Variants in FAM76A observed in about 807,000 individuals in gnomAD.
FAM76A encodes family with sequence similarity 76 member A.
Under a neutral mutation model 46.2 loss-of-function variants are expected in FAM76A, and 32 were observed. The ratio of observed to expected loss-of-function variants is 0.69; its 90% CI spans 0.52 to 0.93. The LOEUF is 0.93. FAM76A is among the 40% of genes least tolerant of loss of function. FAM76A has a pLI of 0.00. For synonymous variants in FAM76A, 137 were observed against 127.0 expected (o/e 1.08, Z -0.53); for missense variants, 274 against 361.5 (o/e 0.76, Z 1.96).
At chr1:27,730,181 CT>C (rs5773200) in intron 2 of FAM76A, 1,687 of 198,580 alleles carry the variant, frequency 8.5e-3, no homozygotes, top group South Asian at 0.023. Flanking sequence ...TTTTTCTTTT[CT>C]TTTTTTTTTG....
At chr1:27,740,026 C>T (rs763789655) in intron 4 of FAM76A, 9 of 365,482 alleles carry the variant, frequency 2.5e-5, no homozygotes, top group African/African-American at 6.4e-5. Flanking sequence ...CAAGTGCCTC[C>T]GTATTCTAGA....
intron 4 of FAM76A, among the ~76,000 whole-genome samples, chr1:27,738,562 G>C (rs911391594): frequency 6.6e-6 from 1 of 151,992 alleles, no homozygotes; most frequent in Non-Finnish European, 1.5e-5. Context: ...CCAGATTGAA[G>C]TTTGGTTTCA....
intron 4 of FAM76A, among the ~76,000 whole-genome samples, chr1:27,741,442 G>A (rs766825812): frequency 6.6e-6 from 1 of 152,158 alleles, no homozygotes; most frequent in South Asian, 2.1e-4. Flanking sequence ...TTACAGGTGT[G>A]AGCCACTGCG....
At position 27,726,236 on chromosome 1, in the gene FAM76A, C is replaced by T. The variant is rs960365441; in HGVS notation, c.81+75C>T. On this transcript the variant is annotated intron_variant, in intron 1 of 8. Transcript: ENST00000373954. ...CCCGGAGCTCCAGATTCTGTGGGGA[C>T]GCCCGGCGGGGTCCCCGGAGCAGGG... 167 of 1,194,218 alleles carry T rather than the reference C, an allele frequency of 1.4e-4. 1 individual carries two copies. Among genetic ancestry groups the T allele is most frequent in the Middle Eastern group, 1.3e-3 (4 of 3,134 alleles). The allele number at this position is 1,194,218 out of a possible 1,614,324, so 74.0% of individuals were successfully genotyped here.
In FAM76A at chr1:27,734,144, G is replaced by A; in HGVS notation, c.315G>A (p.Lys105=). 1 of 1,598,802 alleles carries A rather than the reference G, an allele frequency of 6.3e-7. No homozygotes were observed. Among genetic ancestry groups the A allele is most frequent in the South Asian group, 1.1e-5 (1 of 87,824 alleles). ...CACCCTATTCTTGTGAACAGTGCAA[G>A]CAGCAGTGTGCATTTGACAGGAAAG... ...YGPPYSCEQC[K]QQCAFDRKDD... is the part of the protein sequence containing the mutation. Residue 105 remains lysine, a synonymous_variant, in exon 4 of 9, where the codon AAG becomes AAA. Coordinates refer to ENST00000373954, the MANE Select transcript of FAM76A (RefSeq NM_152660.3).
intron 4 of FAM76A, among the ~76,000 whole-genome samples, chr1:27,743,774 A>AG (rs947347641): frequency 1.3e-5 from 2 of 152,018 alleles, no homozygotes; most frequent in Non-Finnish European, 2.9e-5. Context: ...GGGGAAAAAA[A>AG]AAAAAACGAA....
intron 7 of FAM76A, among the ~76,000 whole-genome samples, chr1:27,757,555 A>T (rs1252652790): frequency 6.6e-6 from 1 of 152,082 alleles, no homozygotes; most frequent in Non-Finnish European, 1.5e-5. Flanking sequence ...TTTCATAGAG[A>T]TGGGGGTCTC....
chr1:27,758,660 C>T (rs1026242626), intron 7 of FAM76A, among the ~76,000 whole-genome samples: 1 of 151,644 alleles, frequency 6.6e-6, no homozygotes, highest in Non-Finnish European at 1.5e-5. Flanking sequence ...CACCACCACA[C>T]CCAGCTATTT....
intron 7 of FAM76A, among the ~76,000 whole-genome samples, chr1:27,757,443 T>C (rs1309750275): frequency 6.6e-6 from 1 of 152,060 alleles, no homozygotes; most frequent in Non-Finnish European, 1.5e-5. Flanking sequence ...CTCTGCTCAC[T>C]GCAACCTCTG....
intron 4 of FAM76A, among the ~76,000 whole-genome samples, chr1:27,737,868 CAAAAAAAAAAAA>C (rs71571865): frequency 9.6e-5 from 6 of 62,722 alleles, no homozygotes; most frequent in Non-Finnish European, 1.3e-4. Context: ...ACAACAACAA[CAAAAAAAAAAAA>C]AAAAAAAAAA....
chr1:27,741,833 A>G (rs2088159511), intron 4 of FAM76A, among the ~76,000 whole-genome samples: 1 of 151,934 alleles, frequency 6.6e-6, no homozygotes, highest in African/African-American at 2.4e-5. Flanking sequence ...CAGTGAGTCA[A>G]CACAGTGTCT....
chr1:27,728,085 C>T (rs1374364060), intron 2 of FAM76A, among the ~76,000 whole-genome samples: 4 of 152,044 alleles, frequency 2.6e-5, no homozygotes, highest in Non-Finnish European at 5.9e-5. Context: ...GGATTACAGG[C>T]GTGAGCCACC....
intron 8 of FAM76A, 150 bp downstream of exon 8, chr1:27,759,777 T>TG: frequency 4.2e-5 from 26 of 613,262 alleles, no homozygotes; most frequent in East Asian, 9.5e-5. Flanking sequence ...TTTTTTTTTT[T>TG]TGTTTTTTTT....
chr1:27,731,198 A>ATT (rs34236376), intron 2 of FAM76A, among the ~76,000 whole-genome samples: 46 of 109,806 alleles, frequency 4.2e-4, no homozygotes, highest in Non-Finnish European at 5.7e-4. Context: ...AGAAATCAGA[A>ATT]TTTTTTTTTT....
chr1:27,744,984 A>G (rs1396753248), intron 5 of FAM76A, among the ~76,000 whole-genome samples, 173 bp downstream of exon 5: 1 of 152,248 alleles, frequency 6.6e-6, no homozygotes, highest in Admixed American at 6.5e-5. Context: ...ATATCTTCCA[A>G]GGACCAGAGA....
chr1:27,759,766 G>GTTTTTTTTTTTTT (rs374632191), intron 8 of FAM76A, 139 bp downstream of exon 8: 280 of 485,370 alleles, frequency 5.8e-4, no homozygotes, highest in African/African-American at 3.7e-3. Context: ...CCCCTTTTAG[G>GTTTTTTTTTTTTT]TTTTTTTTTT....
At chr1:27,738,363 G>T (rs2088092226) in intron 4 of FAM76A, among the ~76,000 whole-genome samples, 1 of 151,936 alleles carries the variant, frequency 6.6e-6, no homozygotes, top group African/African-American at 2.4e-5. Flanking sequence ...GGTGGCATAT[G>T]CCTGTAATCC....
chr1:27,751,086 G>T (rs575643356), intron 6 of FAM76A, among the ~76,000 whole-genome samples: 1 of 152,106 alleles, frequency 6.6e-6, no homozygotes, highest in Non-Finnish European at 1.5e-5. Context: ...TGGGGAAGTT[G>T]AGGCTGCAGT....
Position 27,761,601 on chromosome 1 carries a change from C to T in FAM76A, c.*1020C>T, listed in dbSNP as rs1479114801. 1.3e-5 allele frequency: 2 copies of T among 152,504 alleles called. No homozygotes were observed. Among genetic ancestry groups the T allele is most frequent in the Non-Finnish European group, 2.9e-5 (2 of 68,010 alleles). 9.4% of individuals were successfully genotyped at this position (152,504 alleles called of 1,614,324 possible). A position where few individuals can be genotyped will look rare whatever the true frequency, so the allele number is the denominator to read the frequency against. Reference sequence around the variant, plus strand: ...TTTAAAAAATAAAATCCTTTATTTGCTTATATCAGTTGTCATACTGGGCTG... The same window carrying T: ...TTTAAAAAATAAAATCCTTTATTTGTTTATATCAGTTGTCATACTGGGCTG... On this transcript the variant is annotated 3_prime_UTR_variant, in exon 9 of 9. Coordinates refer to ENST00000373954, the MANE Select transcript of FAM76A (RefSeq NM_152660.3).
Sources: gnomAD v4.1 joint callset for allele counts (sites outside exome capture counted in the v4.1 genomes callset) on GRCh38, gnomAD v4.1.1 for gene constraint, MANE v1.5 for transcripts, NCBI Gene and HGNC (gene_info 2026-07-23, HGNC 2026-07-21) for gene names.